The following ZCCHC7 variants were observed in gnomAD, a reference collection of about 807,000 sequenced individuals.
The protein encoded by ZCCHC7 is zinc finger CCHC-type containing 7.
Under a neutral mutation model 52.0 loss-of-function variants are expected in ZCCHC7, and 35 were observed. That is an observed-to-expected ratio of 0.67 (90% CI 0.51 to 0.89). The LOEUF is 0.89. Ranked by LOEUF, ZCCHC7 falls within the 40% of genes least tolerant of loss-of-function variation. The pLI is 0.00. For synonymous variants in ZCCHC7, 217 were observed against 221.5 expected, an observed-to-expected ratio of 0.98 and a Z score of 0.18; for missense variants, 574 against 649.1, an observed-to-expected ratio of 0.88 and a Z score of 1.26.
At chr9:37,323,398 A>G (rs1331616809) in intron 5 of ZCCHC7, among the ~76,000 whole-genome samples, 1 of 152,226 alleles carries the variant, frequency 6.6e-6, no homozygotes, top group Non-Finnish European at 1.5e-5. Context: ...AGTTTCCCTG[A>G]TTACAGAGGA....
At chr9:37,282,302 T>C (rs1827994632) in intron 2 of ZCCHC7, among the ~76,000 whole-genome samples, 1 of 152,156 alleles carries the variant, frequency 6.6e-6, no homozygotes, top group Non-Finnish European at 1.5e-5. Flanking sequence ...TTCACCATGA[T>C]TTTTTAAAAG....
At chr9:37,246,694 G>A (rs904169354) in intron 2 of ZCCHC7, among the ~76,000 whole-genome samples, 1 of 152,058 alleles carries the variant, frequency 6.6e-6, no homozygotes, top group Non-Finnish European at 1.5e-5. Flanking sequence ...TTTGAAATAT[G>A]TGCAGTTGGC....
intron 7 of ZCCHC7, among the ~76,000 whole-genome samples, chr9:37,349,728 T>C (rs1821248345): frequency 6.6e-6 from 1 of 152,206 alleles, no homozygotes; most frequent in African/African-American, 2.4e-5. Flanking sequence ...AACAGTATGA[T>C]AGCAGTTCTC....
chr9:37,191,024 A>G (rs80095856), intron 2 of ZCCHC7, among the ~76,000 whole-genome samples: 1 of 136,366 alleles, frequency 7.3e-6, no homozygotes, highest in Non-Finnish European at 1.5e-5. Context: ...CTCCGTCTCA[A>G]AAAAAAAAAA....
intron 6 of ZCCHC7, among the ~76,000 whole-genome samples, chr9:37,337,099 G>A (rs1019916179): frequency 1.3e-5 from 2 of 152,098 alleles, no homozygotes; most frequent in Non-Finnish European, 2.9e-5. Context: ...GATGGGTGCC[G>A]ATAAGCGGAT....
chr9:37,235,682 C>T (rs1281838239), intron 2 of ZCCHC7, among the ~76,000 whole-genome samples: 2 of 151,456 alleles, frequency 1.3e-5, no homozygotes, highest in Non-Finnish European at 2.9e-5. Flanking sequence ...CCTCCGACTC[C>T]CTGTTCAGGC....
intron 2 of ZCCHC7, among the ~76,000 whole-genome samples, chr9:37,207,611 G>A (rs1159743436): frequency 7.0e-6 from 1 of 143,646 alleles, no homozygotes; most frequent in Non-Finnish European, 1.5e-5. Context: ...CCGTTGCTGT[G>A]TCCTACAGTT....
intron 6 of ZCCHC7, among the ~76,000 whole-genome samples, chr9:37,343,451 A>G (rs1213013046): frequency 6.6e-6 from 1 of 151,976 alleles, no homozygotes; most frequent in Admixed American, 6.6e-5. Flanking sequence ...TTGCTCTTTC[A>G]TCTATTATCT....
chr9:37,227,493 A>G (rs1273673959), intron 2 of ZCCHC7, among the ~76,000 whole-genome samples: 3 of 152,222 alleles, frequency 2.0e-5, no homozygotes, highest in Admixed American at 1.3e-4. Context: ...AAGAACTTGT[A>G]TACATTGATA....
At chr9:37,160,863 G>A (rs1262448600) in intron 2 of ZCCHC7, among the ~76,000 whole-genome samples, 2 of 152,086 alleles carry the variant, frequency 1.3e-5, no homozygotes, top group East Asian at 3.9e-4. Context: ...TCTATCCTAG[G>A]CGACAAGAGC....
At chr9:37,121,586 C>T (rs1283055555) in intron 1 of ZCCHC7, 5 of 152,164 alleles carry the variant, frequency 3.3e-5, no homozygotes, top group African/African-American at 1.2e-4. Flanking sequence ...CTTAGGAAAG[C>T]GTTATGCTTT....
At chr9:37,195,106 C>G (rs997521023) in intron 2 of ZCCHC7, among the ~76,000 whole-genome samples, 5 of 151,856 alleles carry the variant, frequency 3.3e-5, no homozygotes, top group African/African-American at 4.8e-5. Context: ...ACCACCACAC[C>G]TGGCTAATTT....
At chr9:37,122,317 AGTT>A (rs1842350656) in intron 1 of ZCCHC7, among the ~76,000 whole-genome samples, 1 of 152,222 alleles carries the variant, frequency 6.6e-6, no homozygotes, top group South Asian at 2.1e-4. Flanking sequence ...TAGCCTTTGC[AGTT>A]ATTCTATAGC....
At chr9:37,289,809 C>G (rs1828447644) in intron 2 of ZCCHC7, among the ~76,000 whole-genome samples, 1 of 152,202 alleles carries the variant, frequency 6.6e-6, no homozygotes, top group African/African-American at 2.4e-5. Flanking sequence ...TTTCTGCACT[C>G]TAGCCATACT....
At chr9:37,171,841 A>T (rs1019001375) in intron 2 of ZCCHC7, among the ~76,000 whole-genome samples, 30 of 152,174 alleles carry the variant, frequency 2.0e-4, no homozygotes, top group African/African-American at 7.2e-4. Context: ...ACCTTTTCTA[A>T]TATTGCTTAT....
At chr9:37,179,980 A>G in intron 2 of ZCCHC7, among the ~76,000 whole-genome samples, 1 of 152,172 alleles carries the variant, frequency 6.6e-6, no homozygotes, top group Non-Finnish European at 1.5e-5. Flanking sequence ...CCCTGCTGGC[A>G]TTTTTCATCA....
intron 2 of ZCCHC7, among the ~76,000 whole-genome samples, chr9:37,199,102 C>T (rs541690739): frequency 6.6e-6 from 1 of 152,176 alleles, no homozygotes; most frequent in Non-Finnish European, 1.5e-5. Context: ...GGTTCTGTTT[C>T]CCATAGTAAT....
chr9:37,269,633 A>AC (rs1182396377), intron 2 of ZCCHC7, among the ~76,000 whole-genome samples: 2 of 149,074 alleles, frequency 1.3e-5, no homozygotes, highest in African/African-American at 5.0e-5. Context: ...AAAAAAAAAA[A>AC]AAAAAAAAAA....
intron 7 of ZCCHC7, among the ~76,000 whole-genome samples, chr9:37,350,134 G>T (rs866630975): frequency 0.038 from 3,839 of 99,956 alleles, 109 homozygotes; most frequent in African/African-American, 0.13. Flanking sequence ...TTTTTTTTTT[G>T]GTTTTTTTTT....
Sources: gnomAD v4.1 joint callset for allele counts (sites outside exome capture counted in the v4.1 genomes callset) on GRCh38, gnomAD v4.1.1 for gene constraint, MANE v1.5 for transcripts, NCBI Gene and HGNC (gene_info 2026-07-23, HGNC 2026-07-21) for gene names.